UBR3: variants seen among roughly 807,000 people sequenced by gnomAD.
The protein encoded by UBR3 is ubiquitin protein ligase E3 component n-recognin 3.
A neutral mutation model predicts 243.2 loss-of-function variants in UBR3; 85 were observed. The ratio of observed to expected loss-of-function variants is 0.35; its 90% CI spans 0.29 to 0.42. The LOEUF is 0.42. UBR3 is among the 10% of genes least tolerant of loss of function. The pLI, the probability that UBR3 is intolerant of heterozygous loss-of-function variation, is 1.00. For synonymous variants in UBR3, 748 were observed against 799.8 expected (o/e 0.94, Z 1.09); for missense variants, 1,686 against 2,300.8 (o/e 0.73, Z 5.47).
chr2:170,003,786 G>A (rs781061151), intron 27 of UBR3, among the ~76,000 whole-genome samples: 439 of 152,170 alleles, frequency 2.9e-3, no homozygotes, highest in Non-Finnish European at 5.1e-3. Context: ...GACTACAGGC[G>A]CCCGCCACCA....
chr2:169,845,492 TTCGTCGTCA>T (rs1317710186), intron 1 of UBR3, among the ~76,000 whole-genome samples: 5,027 of 123,450 alleles, frequency 0.041, 126 homozygotes, highest in East Asian at 0.088. Flanking sequence ...CCTTTCCCTC[TTCGTCGTCA>T]TCGTCGTCGT....
At chr2:170,037,333 T>C (rs1260046466) in intron 31 of UBR3, among the ~76,000 whole-genome samples, 4 of 152,172 alleles carry the variant, frequency 2.6e-5, no homozygotes, top group East Asian at 1.9e-4. Context: ...TTTTCTTTGC[T>C]GTTCTCACTT....
chr2:169,983,299 C>T (rs1294811463), intron 24 of UBR3, among the ~76,000 whole-genome samples: 1 of 134,612 alleles, frequency 7.4e-6, no homozygotes, highest in African/African-American at 3.0e-5. Context: ...CTCATTCTGT[C>T]ACCCAGGCTG....
chr2:170,078,567 T>C (rs2091856055), intron 36 of UBR3, among the ~76,000 whole-genome samples: 1 of 152,238 alleles, frequency 6.6e-6, no homozygotes, highest in South Asian at 2.1e-4. Context: ...TCTAAAAGTT[T>C]GTAAATTTCA....
chr2:169,993,077 C>T (rs979286175), intron 25 of UBR3, among the ~76,000 whole-genome samples: 3 of 152,112 alleles, frequency 2.0e-5, no homozygotes, highest in Non-Finnish European at 2.9e-5. Flanking sequence ...TATTCTTTTA[C>T]ATAATTATGG....
In UBR3 at chr2:170,083,438, G is replaced by C. The variant is rs1380830574; in HGVS notation, c.*1595G>C. Reference sequence around the variant, plus strand: ...AATGATTCTGTTCGACTAAATAGCTGTCCTTTCCAACACATTGCTACTTTT... The same window carrying C: ...AATGATTCTGTTCGACTAAATAGCTCTCCTTTCCAACACATTGCTACTTTT... On this transcript the variant is annotated 3_prime_UTR_variant, in exon 39 of 39. Coordinates refer to ENST00000272793, the MANE Select transcript of UBR3 (RefSeq NM_172070.4). The C allele has an allele frequency of 6.6e-6, 1 of 152,530 alleles. No individual in the cohort carries two copies. Among genetic ancestry groups the C allele is most frequent in the Non-Finnish European group, 1.5e-5 (1 of 68,000 alleles). The allele number at this position is 152,530 out of a possible 1,614,324, so 9.4% of individuals were successfully genotyped here. A position where few individuals can be genotyped will look rare whatever the true frequency, so the allele number is the denominator to read the frequency against.
intron 31 of UBR3, among the ~76,000 whole-genome samples, chr2:170,032,166 A>C (rs909560472): frequency 6.6e-6 from 1 of 152,192 alleles, no homozygotes; most frequent in South Asian, 2.1e-4. Flanking sequence ...ACCCAGAGAC[A>C]ATGTCAAGAA....
intron 29 of UBR3, 104 bp downstream of exon 29, chr2:170,009,044 A>G (rs1189122457): frequency 1.2e-5 from 9 of 775,670 alleles, no homozygotes; most frequent in Non-Finnish European, 1.5e-5. Flanking sequence ...CATATTTTTA[A>G]TATCAGTTGA....
At chr2:169,996,879 T>G (rs7595201) in intron 26 of UBR3, among the ~76,000 whole-genome samples, 14,399 of 151,648 alleles carry the variant, frequency 0.095, 820 homozygotes, top group African/African-American at 0.16. Context: ...TTTTATATTT[T>G]TAGTAGAGAC....
intron 11 of UBR3, among the ~76,000 whole-genome samples, chr2:169,916,987 T>C (rs2085488604): frequency 6.6e-6 from 1 of 152,096 alleles, no homozygotes; most frequent in Non-Finnish European, 1.5e-5. Context: ...CCCTGCTCCC[T>C]CTCTTTACCT....
chr2:169,934,004 T>C (rs2086234497), intron 19 of UBR3, among the ~76,000 whole-genome samples: 1 of 152,228 alleles, frequency 6.6e-6, no homozygotes, highest in South Asian at 2.1e-4. Flanking sequence ...TCCCTCTTTT[T>C]CTGCTTTTCA....
intron 36 of UBR3, among the ~76,000 whole-genome samples, chr2:170,076,778 C>G (rs1386433851): frequency 6.6e-6 from 1 of 152,186 alleles, no homozygotes; most frequent in East Asian, 1.9e-4. Flanking sequence ...AAGGGCTGAG[C>G]TTCTGGTGAT....
intron 26 of UBR3, among the ~76,000 whole-genome samples, chr2:169,999,655 A>G (rs2089620539): frequency 6.6e-6 from 1 of 152,194 alleles, no homozygotes. Flanking sequence ...TAGAGAATGA[A>G]TTAAAGTTTG....
Position 170,054,283 on chromosome 2 carries a change from CT to C in UBR3, c.4661-1162del, listed in dbSNP as rs746480476. On this transcript the variant is annotated intron_variant, in intron 32 of 38. Transcript: ENST00000272793. ...GACAGGTGCTTGTCACCACACCCAG[CT>C]TTTTTTTTTTTTTTGGAGACAGAGT... Among the ~76,000 whole-genome samples the C allele has an allele frequency of 9.3e-3, 1,293 of 138,828 alleles. 11 individuals carry two copies. The highest frequency in any genetic ancestry group is 0.027 in the African/African-American group (1,013 of 38,036). The allele number at this position is 138,828 out of a possible 152,430, so 91.1% of individuals were successfully genotyped here.
chr2:169,881,406 T>A (rs1205105052), intron 5 of UBR3, among the ~76,000 whole-genome samples: 2 of 151,998 alleles, frequency 1.3e-5, no homozygotes, highest in African/African-American at 4.8e-5. Flanking sequence ...GTTGAACTCC[T>A]GACCTCAGGT....
At chr2:169,939,382 C>A (rs941532867) in intron 19 of UBR3, among the ~76,000 whole-genome samples, 6 of 151,560 alleles carry the variant, frequency 4.0e-5, no homozygotes, top group Non-Finnish European at 7.4e-5. Context: ...CCTCAGCCTC[C>A]TGAGTAGCTG....
At chr2:169,856,844 G>A (rs1433585627) in intron 1 of UBR3, among the ~76,000 whole-genome samples, 1 of 151,374 alleles carries the variant, frequency 6.6e-6, no homozygotes, top group Admixed American at 6.6e-5. Context: ...GGAGGGGGAG[G>A]GGGAGGGGGA....
At chr2:170,059,666 G>A (rs2091417816) in intron 33 of UBR3, among the ~76,000 whole-genome samples, 1 of 152,108 alleles carries the variant, frequency 6.6e-6, no homozygotes, top group Non-Finnish European at 1.5e-5. Flanking sequence ...AGGTAAGGAT[G>A]GGGCAAGTCA....
chr2:169,894,384 G>A (rs919063253), intron 6 of UBR3, among the ~76,000 whole-genome samples: 2 of 138,942 alleles, frequency 1.4e-5, no homozygotes, highest in African/African-American at 5.2e-5. Flanking sequence ...GTCTTTGTAT[G>A]TTAACCACTA....
Sources: allele counts gnomAD v4.1 joint callset (sites outside exome capture counted in the v4.1 genomes callset), GRCh38; gene constraint gnomAD v4.1.1; transcripts MANE v1.5; gene names NCBI Gene and HGNC (gene_info 2026-07-23, HGNC 2026-07-21).